RARS2: variants seen among roughly 807,000 people sequenced by gnomAD.
RARS2 encodes the protein arginyl-tRNA synthetase 2, mitochondrial, also known as probable arginine--tRNA ligase, mitochondrial.
Under a neutral mutation model 88.5 loss-of-function variants are expected in RARS2, and 67 were observed. The observed-to-expected ratio is 0.76, with a 90% CI of 0.62 to 0.93. The LOEUF (loss-of-function observed/expected upper bound fraction) is 0.93. RARS2 is among the 40% of genes least tolerant of loss of function. RARS2 has a pLI of 0.00. For synonymous variants in RARS2, 239 were observed against 230.3 expected, an observed-to-expected ratio of 1.04 and a Z score of -0.34; for missense variants, 664 against 684.2, an observed-to-expected ratio of 0.97 and a Z score of 0.33.
intron 8 of RARS2, among the ~76,000 whole-genome samples, chr6:87,538,066 T>C (rs529130405): frequency 6.6e-6 from 1 of 152,388 alleles, no homozygotes; most frequent in South Asian, 2.1e-4. Context: ...CAGTTGTTTT[T>C]GAAAGTAATC....
At chr6:87,580,398 T>C (rs1484917325) in intron 1 of RARS2, among the ~76,000 whole-genome samples, 1 of 151,900 alleles carries the variant, frequency 6.6e-6, no homozygotes, top group Admixed American at 6.5e-5. Context: ...AACAGAGAAA[T>C]AACATCCACA....
intron 17 of RARS2, among the ~76,000 whole-genome samples, chr6:87,517,272 C>T (rs978190188): frequency 4.6e-5 from 7 of 151,472 alleles, no homozygotes; most frequent in Middle Eastern, 3.2e-3. Flanking sequence ...AGCAAGACTC[C>T]GTCTCAAAAA....
chr6:87,541,864 A>G, intron 8 of RARS2, 54 bp downstream of exon 8: 1 of 1,304,144 alleles, frequency 7.7e-7, no homozygotes, highest in Non-Finnish European at 1.1e-6. Flanking sequence ...AAAACATGTT[A>G]CTAAGCTACA....
chr6:87,572,841 G>A (rs1371225172), intron 1 of RARS2, among the ~76,000 whole-genome samples: 1 of 152,002 alleles, frequency 6.6e-6, no homozygotes, highest in African/African-American at 2.4e-5. Context: ...CTAAGCTCAA[G>A]GTACTTAACG....
chr6:87,535,684 T>TG (rs1344733111), intron 8 of RARS2, among the ~76,000 whole-genome samples: 3 of 148,770 alleles, frequency 2.0e-5, no homozygotes, highest in African/African-American at 7.4e-5. Flanking sequence ...TTGTTTTTTT[T>TG]TTTTTTTTTT....
At chr6:87,560,476 T>G (rs1282559494) in intron 4 of RARS2, among the ~76,000 whole-genome samples, 1 of 152,206 alleles carries the variant, frequency 6.6e-6, no homozygotes, top group Non-Finnish European at 1.5e-5. Flanking sequence ...AGGTAGAAGT[T>G]TGGTACCAAA....
intron 5 of RARS2, among the ~76,000 whole-genome samples, chr6:87,552,064 A>G (rs546462293): frequency 6.6e-6 from 1 of 152,290 alleles, no homozygotes; most frequent in South Asian, 2.1e-4. Flanking sequence ...GACAACCTAC[A>G]CTACGTACCA....
At chr6:87,564,376 G>A (rs952776506) in intron 2 of RARS2, 144 bp from the exon 3 acceptor site, 4 of 709,276 alleles carry the variant, frequency 5.6e-6, no homozygotes, top group Admixed American at 4.4e-5. Flanking sequence ...TAAAAGCAAG[G>A]GGGCCGAGAG....
chr6:87,535,213 A>G (rs1778759265), intron 8 of RARS2, among the ~76,000 whole-genome samples: 1 of 152,232 alleles, frequency 6.6e-6, no homozygotes, highest in African/African-American at 2.4e-5. Flanking sequence ...AACAATGATG[A>G]AATCTTGAAC....
intron 8 of RARS2, among the ~76,000 whole-genome samples, chr6:87,536,984 C>T (rs1779371941): frequency 6.6e-6 from 1 of 152,096 alleles, no homozygotes; most frequent in Non-Finnish European, 1.5e-5. Flanking sequence ...GCATATGCAC[C>T]AAAATGGAAA....
chr6:87,564,288 A>T (rs971453641), intron 2 of RARS2, 56 bp from the exon 3 acceptor site: 118 of 1,226,042 alleles, frequency 9.6e-5, no homozygotes, highest in Non-Finnish European at 1.2e-4. Context: ...ATTAGTTGTT[A>T]AACAAAGACT....
At chr6:87,537,914 C>T (rs1031101112) in intron 8 of RARS2, among the ~76,000 whole-genome samples, 4 of 152,148 alleles carry the variant, frequency 2.6e-5, no homozygotes, top group African/African-American at 7.2e-5. Flanking sequence ...TTACCACCTA[C>T]GCTATTTGTG....
At chr6:87,549,106 G>A (rs1237868143) in intron 5 of RARS2, among the ~76,000 whole-genome samples, 6 of 152,016 alleles carry the variant, frequency 3.9e-5, no homozygotes, top group African/African-American at 1.2e-4. Context: ...TGTAATCCCA[G>A]CACTTTGGGA....
chr6:87,520,193 CAT>C lies in RARS2; in HGVS notation c.1097_1098del (p.Tyr366Ter). 2 of 1,613,404 alleles carry C rather than the reference CAT, an allele frequency of 1.2e-6. No individual in the cohort carries two copies. The highest frequency in any genetic ancestry group is 1.7e-6 in the Non-Finnish European group (2 of 1,179,536). On this transcript the variant is annotated frameshift_variant, in exon 13 of 20. Transcript: ENST00000369536. LOFTEE classifies it high-confidence loss of function. ...QVFQMLKIMG[Y>X]DWAERCQHVP... Reference sequence around the variant, plus strand: ...TGCAGACATTACCTTTCTGCCCAGTCATATCCCATGATCTTCAGCATTTGGAA... The same window carrying C: ...TGCAGACATTACCTTTCTGCCCAGTCATCCCATGATCTTCAGCATTTGGAA...
At chr6:87,563,617 G>A (rs1260671702) in intron 3 of RARS2, among the ~76,000 whole-genome samples, 1 of 152,154 alleles carries the variant, frequency 6.6e-6, no homozygotes, top group African/African-American at 2.4e-5. Flanking sequence ...TTTATGTTTA[G>A]TAATTCCTTG....
chr6:87,531,041 T>G, intron 8 of RARS2, 99 bp from the exon 9 acceptor site: 1 of 1,557,232 alleles, frequency 6.4e-7, no homozygotes, highest in Non-Finnish European at 8.7e-7. Context: ...GAATTCTCAT[T>G]TAAAATTTTC....
intron 1 of RARS2, among the ~76,000 whole-genome samples, chr6:87,585,588 C>T (rs1469549265): frequency 2.0e-5 from 3 of 151,926 alleles, no homozygotes; most frequent in Non-Finnish European, 4.4e-5. Context: ...AAAATTTAGC[C>T]GGGTGTGGTG....
intron 1 of RARS2, among the ~76,000 whole-genome samples, chr6:87,576,667 T>C (rs1055376824): frequency 4.6e-5 from 7 of 152,204 alleles, no homozygotes; most frequent in African/African-American, 1.7e-4. Flanking sequence ...ATTTGTAATA[T>C]TTTATTTTCG....
intron 7 of RARS2, among the ~76,000 whole-genome samples, chr6:87,544,854 G>T (rs1184184647): frequency 6.6e-6 from 1 of 152,166 alleles, no homozygotes; most frequent in African/African-American, 2.4e-5. Flanking sequence ...AGTTAAAGGG[G>T]AAGACAAAGT....
Sources: allele counts gnomAD v4.1 joint callset (sites outside exome capture counted in the v4.1 genomes callset), GRCh38; gene constraint gnomAD v4.1.1; transcripts MANE v1.5; gene names NCBI Gene and HGNC (gene_info 2026-07-23, HGNC 2026-07-21).